Variants in RBMS3 observed in about 807,000 individuals in gnomAD.
RBMS3 encodes RNA binding motif single stranded interacting protein 3.
RBMS3 carries 27 observed loss-of-function variants against 66.8 expected under a neutral mutation model. The ratio of observed to expected loss-of-function variants is 0.40; its 90% confidence interval spans 0.30 to 0.56. The LOEUF (loss-of-function observed/expected upper bound fraction) is 0.56, where lower values mean the gene tolerates loss of function less well. Ranked by LOEUF, RBMS3 falls within the 20% of genes least tolerant of loss-of-function variation. The pLI is 0.40. For missense variants in RBMS3, 513 were observed against 549.5 expected (o/e 0.93, Z 0.66); for synonymous variants, 188 against 183.0 (o/e 1.03, Z -0.22).
At chr3:29,845,735 C>T (rs2058760844) in intron 6 of RBMS3, among the ~76,000 whole-genome samples, 1 of 152,058 alleles carries the variant, frequency 6.6e-6, no homozygotes, top group South Asian at 2.1e-4. Context: ...AAATCAACAA[C>T]ATAAAAATAA....
At chr3:29,783,620 T>A (rs2056717646) in intron 6 of RBMS3, among the ~76,000 whole-genome samples, 1 of 152,016 alleles carries the variant, frequency 6.6e-6, no homozygotes, top group African/African-American at 2.4e-5. Context: ...TCACAGGACC[T>A]ATATAACAAT....
intron 6 of RBMS3, among the ~76,000 whole-genome samples, chr3:29,831,130 G>C (rs114060132): frequency 1.2e-4 from 18 of 152,056 alleles, no homozygotes; most frequent in African/African-American, 3.9e-4. Flanking sequence ...CTTTACTCAG[G>C]GTGGATTTTA....
intron 4 of RBMS3, among the ~76,000 whole-genome samples, chr3:29,659,108 C>A: frequency 6.6e-6 from 1 of 152,182 alleles, no homozygotes; most frequent in Non-Finnish European, 1.5e-5. Flanking sequence ...TGAGCCACAG[C>A]GCCCAGCCTT....
At chr3:29,994,128 G>A (rs1175410032) in intron 14 of RBMS3, among the ~76,000 whole-genome samples, 1 of 152,214 alleles carries the variant, frequency 6.6e-6, no homozygotes, top group Non-Finnish European at 1.5e-5. Context: ...AAGCGCAAGG[G>A]GTCAGGGAGT....
At chr3:29,894,311 T>C (rs2060071924) in intron 8 of RBMS3, among the ~76,000 whole-genome samples, 1 of 151,462 alleles carries the variant, frequency 6.6e-6, no homozygotes, top group African/African-American at 2.4e-5. Context: ...CTCAATCTCC[T>C]GGACTTAAAT....
In RBMS3 at chr3:29,394,756, C is replaced by G. The variant is rs182780782; in HGVS notation, c.76-39987C>G. Among the ~76,000 whole-genome samples, 26 of 152,188 alleles carry G rather than the reference C, an allele frequency of 1.7e-4. No homozygotes were observed. In the East Asian group the frequency reaches 4.8e-3, roughly 28 times the overall value. ...AAGTCCTCACAGTGGCCTCTAAGGC[C>G]CTCTGTGATCTTTCCAGGCACCCCC... On this transcript the variant is annotated intron_variant, in intron 1 of 14. Coordinates refer to ENST00000383767, the MANE Select transcript of RBMS3 (RefSeq NM_001003793.3).
At chr3:29,328,144 C>CT (rs2035446944) in intron 1 of RBMS3, among the ~76,000 whole-genome samples, 1 of 152,124 alleles carries the variant, frequency 6.6e-6, no homozygotes, top group African/African-American at 2.4e-5. Context: ...TGCAGAGTGC[C>CT]TCTCCATTTA....
intron 4 of RBMS3, among the ~76,000 whole-genome samples, chr3:29,722,257 T>A (rs1322152771): frequency 6.6e-6 from 1 of 152,154 alleles, no homozygotes; most frequent in African/African-American, 2.4e-5. Context: ...AATACCATAA[T>A]ACTTTTCACC....
At chr3:29,759,769 A>G (rs2055583459) in intron 5 of RBMS3, among the ~76,000 whole-genome samples, 1 of 151,992 alleles carries the variant, frequency 6.6e-6, no homozygotes, top group South Asian at 2.1e-4. Flanking sequence ...TCCACGTAAA[A>G]TGCATGAGGA....
At chr3:29,817,813 T>TA (rs761079918) in intron 6 of RBMS3, among the ~76,000 whole-genome samples, 85 of 151,626 alleles carry the variant, frequency 5.6e-4, no homozygotes, top group Middle Eastern at 3.4e-3. Context: ...TAGAATATTA[T>TA]AAAAAAAACA....
At chr3:29,691,950 T>TCTCTC (rs1491449986) in intron 4 of RBMS3, among the ~76,000 whole-genome samples, 2 of 110,796 alleles carry the variant, frequency 1.8e-5, no homozygotes, top group Non-Finnish European at 3.6e-5. Context: ...TCTCTCTCTA[T>TCTCTC]TTTTTTTTTT....
intron 1 of RBMS3, among the ~76,000 whole-genome samples, chr3:29,286,977 TTAAA>T (rs1323116561): frequency 2.0e-5 from 3 of 152,110 alleles, no homozygotes; most frequent in Admixed American, 6.6e-5. Context: ...CTGTATGTGA[TTAAA>T]TAGTGTAATA....
intron 5 of RBMS3, among the ~76,000 whole-genome samples, chr3:29,750,965 T>G (rs1445974829): frequency 6.6e-6 from 1 of 152,214 alleles, no homozygotes; most frequent in Non-Finnish European, 1.5e-5. Context: ...TTTAAAAATG[T>G]TTAAAACTCA....
intron 2 of RBMS3, among the ~76,000 whole-genome samples, chr3:29,456,073 A>G (rs1559375851): frequency 1.3e-5 from 2 of 152,344 alleles, no homozygotes; most frequent in East Asian, 1.9e-4. Context: ...GTGAATAATG[A>G]GGATCAACTC....
At chr3:29,431,535 C>T (rs976228833) in intron 1 of RBMS3, among the ~76,000 whole-genome samples, 21 of 152,020 alleles carry the variant, frequency 1.4e-4, no homozygotes, top group African/African-American at 4.3e-4. Context: ...TTGTGATCCG[C>T]CCTCCTCAGC....
At chr3:29,566,412 T>A (rs978293934) in intron 3 of RBMS3, among the ~76,000 whole-genome samples, 1 of 151,892 alleles carries the variant, frequency 6.6e-6, no homozygotes, top group Non-Finnish European at 1.5e-5. Flanking sequence ...AGCATGCAAA[T>A]TGATGTAAAA....
At chr3:29,948,861 G>A (rs1031755907) in intron 12 of RBMS3, among the ~76,000 whole-genome samples, 3 of 151,508 alleles carry the variant, frequency 2.0e-5, no homozygotes, top group Non-Finnish European at 3.0e-5. Flanking sequence ...AAAAACTAAG[G>A]GTAGGTCCAT....
chr3:29,290,529 A>G (rs1169700463), intron 1 of RBMS3: 1 of 151,898 alleles, frequency 6.6e-6, no homozygotes. Flanking sequence ...TTACCAATGT[A>G]CACCAATTCT....
chr3:29,582,995 C>T (rs543211203), intron 3 of RBMS3, among the ~76,000 whole-genome samples: 1 of 151,898 alleles, frequency 6.6e-6, no homozygotes, highest in Non-Finnish European at 1.5e-5. Context: ...GTAGCTTATC[C>T]CCTATTTTTA....
Sources: gnomAD v4.1 joint callset for allele counts (sites outside exome capture counted in the v4.1 genomes callset) on GRCh38, gnomAD v4.1.1 for gene constraint, MANE v1.5 for transcripts, NCBI Gene and HGNC (gene_info 2026-07-23, HGNC 2026-07-21) for gene names.